GFRAL: variants seen among roughly 807,000 people sequenced by gnomAD.
The protein encoded by GFRAL is GDNF family receptor alpha like.
A neutral mutation model predicts 45.4 loss-of-function variants in GFRAL; 36 were observed. The ratio of observed to expected loss-of-function variants is 0.79; its 90% CI spans 0.61 to 1.05. GFRAL has a LOEUF of 1.05. GFRAL is among the 50% of genes least tolerant of loss of function. GFRAL has a pLI of 0.00. For synonymous variants in GFRAL, 166 were observed against 154.1 expected, an observed-to-expected ratio of 1.08 and a Z score of -0.57; for missense variants, 507 against 467.5, an observed-to-expected ratio of 1.08 and a Z score of -0.78.
In GFRAL at chr6:55,349,951, C is replaced by A. The variant is rs773338963; in HGVS notation, c.317-141C>A. ...CCACATTAATTTTGAATATCAAGGGCTAAATACATGTTACATAACCTTGTA... is the reference window on the plus strand; with the variant it reads ...CCACATTAATTTTGAATATCAAGGGATAAATACATGTTACATAACCTTGTA... On this transcript the variant is annotated intron_variant, in intron 3 of 8. Transcript: ENST00000340465. 13 of 649,752 alleles carry A rather than the reference C, an allele frequency of 2.0e-5. No homozygotes were observed. The East Asian group carries it at 3.0e-4, about 15-fold the overall frequency. 40.2% of individuals were successfully genotyped at this position (649,752 alleles called of 1,614,324 possible).
intron 6 of GFRAL, among the ~76,000 whole-genome samples, chr6:55,380,561 T>G (rs1768594934): frequency 1.3e-5 from 2 of 151,930 alleles, no homozygotes; most frequent in Non-Finnish European, 2.9e-5. Context: ...TGGGAACCAC[T>G]TCTCTAATCC....
At chr6:55,393,947 T>C (rs1187414427) in intron 6 of GFRAL, among the ~76,000 whole-genome samples, 1 of 152,176 alleles carries the variant, frequency 6.6e-6, no homozygotes, top group African/African-American at 2.4e-5. Flanking sequence ...GGGGTATTTA[T>C]TGAAGCACCT....
intron 1 of GFRAL, among the ~76,000 whole-genome samples, chr6:55,328,787 A>T (rs895644778): frequency 1.7e-4 from 26 of 152,176 alleles, no homozygotes; most frequent in African/African-American, 6.3e-4. Context: ...ACCAGGTTGC[A>T]TGAAGGAGGG....
chr6:55,341,558 C>A (rs1767965607), intron 3 of GFRAL, among the ~76,000 whole-genome samples: 1 of 152,098 alleles, frequency 6.6e-6, no homozygotes. Context: ...GTAGATAAAA[C>A]CACAAAGATG....
chr6:55,339,736 G>C (rs902703020), intron 3 of GFRAL, among the ~76,000 whole-genome samples: 1 of 152,176 alleles, frequency 6.6e-6, no homozygotes. Flanking sequence ...TAATTAGGCT[G>C]AAATGTTAGC....
At chr6:55,362,244 G>A (rs62419076) in intron 6 of GFRAL, among the ~76,000 whole-genome samples, 24,412 of 149,764 alleles carry the variant, frequency 0.16, 2,298 homozygotes, top group African/African-American at 0.25. Context: ...CTTGGAGCCC[G>A]CTATGTTCTC....
intron 4 of GFRAL, among the ~76,000 whole-genome samples, chr6:55,350,522 CAAAACAAAAACA>C (rs1233637430): frequency 4.0e-5 from 6 of 151,688 alleles, no homozygotes; most frequent in Middle Eastern, 3.2e-3. Flanking sequence ...AAAAACAAAA[CAAAACAAAAACA>C]AAAACAAAAG....
intron 6 of GFRAL, among the ~76,000 whole-genome samples, chr6:55,372,883 A>C (rs1054392063): frequency 3.9e-5 from 6 of 152,106 alleles, no homozygotes; most frequent in African/African-American, 1.4e-4. Flanking sequence ...TCTCCATTGG[A>C]GACATCTTAA....
At chr6:55,370,190 A>T (rs990511404) in intron 6 of GFRAL, among the ~76,000 whole-genome samples, 2 of 152,032 alleles carry the variant, frequency 1.3e-5, no homozygotes, top group Admixed American at 1.3e-4. Flanking sequence ...TATATTTATC[A>T]TTCAGTTAAA....
chr6:55,343,125 G>C lies in GFRAL; in HGVS notation c.317-6967G>C, dbSNP rs1767992252. On this transcript the variant is annotated intron_variant, in intron 3 of 8. Transcript: ENST00000340465. Reference sequence around the variant, plus strand: ...CAACATTAGACAGATCAATGAGACAGGAAGGTAACAAGGATATCCAGGAAT... The same window carrying C: ...CAACATTAGACAGATCAATGAGACACGAAGGTAACAAGGATATCCAGGAAT... Among the ~76,000 whole-genome samples the C allele has an allele frequency of 2.0e-5, 3 of 152,110 alleles. No homozygotes were observed. The South Asian group carries it at 6.2e-4, about 32-fold the overall frequency.
At chr6:55,352,776 C>T (rs1768134705) in intron 5 of GFRAL, among the ~76,000 whole-genome samples, 1 of 152,004 alleles carries the variant, frequency 6.6e-6, no homozygotes, top group Non-Finnish European at 1.5e-5. Context: ...GAAATGTATT[C>T]ATTCTCCTCT....
intron 3 of GFRAL, among the ~76,000 whole-genome samples, chr6:55,346,920 A>G (rs1445978338): frequency 6.7e-6 from 1 of 148,884 alleles, no homozygotes; most frequent in African/African-American, 2.4e-5. Flanking sequence ...ATGTGGTTCT[A>G]TAACCTGTAA....
chr6:55,349,049 C>A (rs915508554), intron 3 of GFRAL, among the ~76,000 whole-genome samples: 10 of 151,986 alleles, frequency 6.6e-5, no homozygotes, highest in African/African-American at 2.4e-4. Context: ...CCAGATCTTC[C>A]TCAGAGAGGC....
Position 55,384,388 on chromosome 6 carries a change from G to A in GFRAL, c.953-14792G>A, listed in dbSNP as rs927337519. 5.3e-5 allele frequency among the ~76,000 whole-genome samples: 8 copies of A among 152,046 alleles called. No individual in the cohort carries two copies. In the South Asian group the frequency reaches 1.7e-3, roughly 32 times the overall value. Reference sequence around the variant, plus strand: ...AATAAACTATTACTATATTCCAGAGGCATTAGTATCAAGATTATCATGTTA... The same window carrying A: ...AATAAACTATTACTATATTCCAGAGACATTAGTATCAAGATTATCATGTTA... On this transcript the variant is annotated intron_variant, in intron 6 of 8. Transcript: ENST00000340465.
At chr6:55,327,665 G>T in intron 1 of GFRAL, 89 bp downstream of exon 1, 2 of 1,222,868 alleles carry the variant, frequency 1.6e-6, no homozygotes, top group Non-Finnish European at 1.2e-6. Context: ...GCTTAACAGG[G>T]GCTTATAATA....
intron 3 of GFRAL, among the ~76,000 whole-genome samples, chr6:55,349,144 AGAATAGCTTG>A (rs1171008068): frequency 5.9e-5 from 9 of 151,992 alleles, no homozygotes; most frequent in Non-Finnish European, 8.8e-5. Flanking sequence ...ATGCATAATG[AGAATAGCTTG>A]GACAATATAA....
intron 5 of GFRAL, among the ~76,000 whole-genome samples, chr6:55,357,794 T>C (rs1397753339): frequency 2.6e-5 from 4 of 151,744 alleles, no homozygotes; most frequent in African/African-American, 7.2e-5. Context: ...TATCTACTTA[T>C]GTATAAGTAG....
In GFRAL at chr6:55,351,596, A is replaced by C; in HGVS notation, c.701+13A>C. 1 of 1,573,760 alleles carries C rather than the reference A, an allele frequency of 6.4e-7. No homozygotes were observed. Among genetic ancestry groups the C allele is most frequent in the Non-Finnish European group, 8.7e-7 (1 of 1,151,564 alleles). On this transcript the variant is annotated intron_variant, in intron 5 of 8. Transcript: ENST00000340465. ...ATGAATTATGCAGGTGGGTAAAAACACTCATACCTTACTTTCTTATTTCGG... is the reference window on the plus strand; with the variant it reads ...ATGAATTATGCAGGTGGGTAAAAACCCTCATACCTTACTTTCTTATTTCGG...
intron 6 of GFRAL, among the ~76,000 whole-genome samples, chr6:55,389,156 T>A (rs2127365029): frequency 6.6e-6 from 1 of 152,300 alleles, no homozygotes. Flanking sequence ...TAGACTTATG[T>A]CATGGGGGTT....
Sources: allele counts gnomAD v4.1 joint callset (sites outside exome capture counted in the v4.1 genomes callset), GRCh38; gene constraint gnomAD v4.1.1; transcripts MANE v1.5; gene names NCBI Gene and HGNC (gene_info 2026-07-23, HGNC 2026-07-21).